ATRNL1: variants seen among roughly 807,000 people sequenced by gnomAD.
ATRNL1 encodes attractin like 1.
A neutral mutation model predicts 182.7 loss-of-function variants in ATRNL1; 95 were observed. The ratio of observed to expected loss-of-function variants is 0.52; its 90% CI spans 0.44 to 0.62. The LOEUF (loss-of-function observed/expected upper bound fraction) is 0.62. Ranked by LOEUF, ATRNL1 falls within the 20% of genes least tolerant of loss-of-function variation. The probability of loss-of-function intolerance (pLI) is 0.00; values close to 1 mark genes in which losing one functional copy is unlikely to be tolerated. For synonymous variants in ATRNL1, 576 were observed against 568.3 expected (o/e 1.01, Z -0.19); for missense variants, 1,471 against 1,679.5 (o/e 0.88, Z 2.17).
At chr10:115,286,424 G>A in intron 15 of ATRNL1, 27 bp downstream of exon 15, 2 of 1,334,132 alleles carry the variant, frequency 1.5e-6, no homozygotes, top group East Asian at 2.6e-5. Flanking sequence ...TTTACATTAT[G>A]GAAATATGCT....
At chr10:115,600,930 T>A (rs1856555038) in intron 26 of ATRNL1, among the ~76,000 whole-genome samples, 1 of 1,560 alleles carries the variant, frequency 6.4e-4, no homozygotes, top group Non-Finnish European at 7.6e-3. Context: ...TTTTATTTTC[T>A]TTTTTTTTTT....
intron 22 of ATRNL1, among the ~76,000 whole-genome samples, chr10:115,465,287 T>C (rs1244516164): frequency 1.3e-5 from 2 of 151,714 alleles, no homozygotes; most frequent in Non-Finnish European, 3.0e-5. Flanking sequence ...CTACCAGATA[T>C]CTACCTTTGA....
chr10:115,126,619 T>G (rs1288835098), intron 3 of ATRNL1, among the ~76,000 whole-genome samples: 1 of 152,216 alleles, frequency 6.6e-6, no homozygotes, highest in African/African-American at 2.4e-5. Context: ...CTTTTTAACT[T>G]GTTTGCATTT....
At chr10:115,594,660 C>T (rs1209874564) in intron 26 of ATRNL1, among the ~76,000 whole-genome samples, 2 of 152,162 alleles carry the variant, frequency 1.3e-5, no homozygotes, top group East Asian at 3.9e-4. Flanking sequence ...ACATACACAA[C>T]TACCTGCTTA....
chr10:115,111,321 A>T (rs1450252695), intron 1 of ATRNL1, among the ~76,000 whole-genome samples: 1 of 152,262 alleles, frequency 6.6e-6, no homozygotes, highest in Non-Finnish European at 1.5e-5. Flanking sequence ...TATAGAGCTC[A>T]GAATCAGCTG....
At chr10:115,898,637 A>T (rs1246050034) in intron 28 of ATRNL1, among the ~76,000 whole-genome samples, 1 of 152,180 alleles carries the variant, frequency 6.6e-6, no homozygotes, top group Non-Finnish European at 1.5e-5. Flanking sequence ...TTAAGGCCAT[A>T]ACAGGTCTCC....
intron 28 of ATRNL1, among the ~76,000 whole-genome samples, chr10:115,923,888 T>G (rs187340021): frequency 6.6e-6 from 1 of 152,204 alleles, no homozygotes. Flanking sequence ...AAAGCGTTCC[T>G]GTTTCTCCAC....
rs373704398 is a variant in ATRNL1, at chr10:115,932,019, A to C, written c.4019-12639A>C. ...CTCTCTCTGATTTACCTGCCTGTGGAGTTTGAAAGGTCCCCACTAGTGCTG... is the reference window on the plus strand; with the variant it reads ...CTCTCTCTGATTTACCTGCCTGTGGCGTTTGAAAGGTCCCCACTAGTGCTG... On this transcript the variant is annotated intron_variant, in intron 28 of 28. Transcript: ENST00000355044. Among the ~76,000 whole-genome samples the C allele has an allele frequency of 2.0e-4, 31 of 152,282 alleles. No homozygotes were observed. The East Asian group carries it at 4.3e-3, about 21-fold the overall frequency.
chr10:115,744,439 A>G (rs1555068610), intron 27 of ATRNL1, among the ~76,000 whole-genome samples: 1 of 152,046 alleles, frequency 6.6e-6, no homozygotes, highest in Non-Finnish European at 1.5e-5. Context: ...TTCTTCTGCT[A>G]CTGCTTCTTC....
At chr10:115,450,222 A>G (rs987680331) in intron 21 of ATRNL1, among the ~76,000 whole-genome samples, 1 of 152,192 alleles carries the variant, frequency 6.6e-6, no homozygotes, top group African/African-American at 2.4e-5. Context: ...AAACTGGCAC[A>G]AGACAAGGAT....
At chr10:115,145,802 CTTA>C (rs1845946771) in intron 5 of ATRNL1, among the ~76,000 whole-genome samples, 1 of 152,158 alleles carries the variant, frequency 6.6e-6, no homozygotes, top group Non-Finnish European at 1.5e-5. Context: ...TCTTCCACTT[CTTA>C]TTAACAATCC....
intron 24 of ATRNL1, among the ~76,000 whole-genome samples, chr10:115,471,419 A>C (rs1848306173): frequency 6.6e-6 from 1 of 150,854 alleles, no homozygotes. Context: ...GGGAATCTTC[A>C]TACGGCTTTA....
chr10:115,100,779 A>G (rs948234678), intron 1 of ATRNL1, among the ~76,000 whole-genome samples: 15 of 152,334 alleles, frequency 9.8e-5, no homozygotes, highest in Non-Finnish European at 1.5e-4. Flanking sequence ...TAAAAAGCCT[A>G]CTAGGATTTT....
intron 27 of ATRNL1, among the ~76,000 whole-genome samples, chr10:115,759,589 T>C (rs918700317): frequency 1.3e-4 from 17 of 134,610 alleles, no homozygotes; most frequent in Middle Eastern, 3.5e-3. Flanking sequence ...AATTAGGTTT[T>C]GACTAATGTT....
intron 8 of ATRNL1, among the ~76,000 whole-genome samples, chr10:115,204,804 A>T (rs552544520): frequency 6.6e-6 from 1 of 152,126 alleles, no homozygotes; most frequent in South Asian, 2.1e-4. Context: ...AATTTTGGAT[A>T]TGTTCCCTCT....
intron 20 of ATRNL1, among the ~76,000 whole-genome samples, chr10:115,418,431 G>A (rs185223889): frequency 1.0e-3 from 153 of 152,066 alleles, no homozygotes; most frequent in Non-Finnish European, 1.8e-3. Context: ...GAATGAAAAG[G>A]GCCAAAGAAA....
chr10:115,620,130 G>A lies in ATRNL1; in HGVS notation c.3795+70594G>A, dbSNP rs552229978. Among the ~76,000 whole-genome samples the A allele has an allele frequency of 6.6e-5, 10 of 152,322 alleles. No homozygotes were observed. The South Asian group carries it at 1.9e-3, about 28-fold the overall frequency. ...GACACTAGCATCTGCTTCTGGTAAAGCCTCAGGAGGCTTACAATCATGGAA... is the reference window on the plus strand; with the variant it reads ...GACACTAGCATCTGCTTCTGGTAAAACCTCAGGAGGCTTACAATCATGGAA... On this transcript the variant is annotated intron_variant, in intron 26 of 28. Coordinates refer to ENST00000355044, the MANE Select transcript of ATRNL1 (RefSeq NM_207303.4).
intron 28 of ATRNL1, among the ~76,000 whole-genome samples, chr10:115,860,860 A>AAT (rs1256014187): frequency 1.3e-5 from 2 of 152,148 alleles, no homozygotes; most frequent in Non-Finnish European, 2.9e-5. Context: ...TGCTCCCTAT[A>AAT]ATAATCCATC....
intron 28 of ATRNL1, among the ~76,000 whole-genome samples, chr10:115,848,252 C>T (rs1384606776): frequency 1.3e-5 from 2 of 152,040 alleles, no homozygotes; most frequent in East Asian, 3.9e-4. Context: ...TATGTATGTT[C>T]CCATTAATTG....
Sources: allele counts gnomAD v4.1 joint callset (sites outside exome capture counted in the v4.1 genomes callset), GRCh38; gene constraint gnomAD v4.1.1; transcripts MANE v1.5; gene names NCBI Gene and HGNC (gene_info 2026-07-23, HGNC 2026-07-21).